Variants in ACCSL observed in about 807,000 individuals in gnomAD.
ACCSL encodes the protein 1-aminocyclopropane-1-carboxylate synthase homolog (inactive) like.
ACCSL carries 55 observed loss-of-function variants against 61.7 expected under a neutral mutation model. That is an observed-to-expected ratio of 0.89 (90% CI 0.72 to 1.12). The LOEUF is 1.12. ACCSL is among the 50% of genes most tolerant of loss of function. The pLI is 0.00. For missense variants in ACCSL, 632 were observed against 698.0 expected (o/e 0.91, Z 1.07); for synonymous variants, 258 against 264.3 (o/e 0.98, Z 0.23).
At chr11:43,961,359 TCTC>T in the ACCSL span, among the ~76,000 whole-genome samples, 8 of 152,122 alleles carry the variant, frequency 5.3e-5, no homozygotes, top group African/African-American at 9.7e-5. Flanking sequence ...TGCAATCTCT[TCTC>T]CTATTTTTCC....
At chr11:44,015,311 G>A in the ACCSL span, among the ~76,000 whole-genome samples, 1 of 152,182 alleles carries the variant, frequency 6.6e-6, no homozygotes, top group Non-Finnish European at 1.5e-5. Context: ...ACTGAGGCTG[G>A]GAGGGTTAAG....
chr11:44,038,882 C>G, the ACCSL span, among the ~76,000 whole-genome samples: 9,072 of 152,212 alleles, frequency 0.06, 501 homozygotes, highest in African/African-American at 0.14. Flanking sequence ...TGTGTCGCCA[C>G]TGTGTCCCTG....
the ACCSL span, among the ~76,000 whole-genome samples, chr11:44,030,930 C>T: frequency 6.6e-6 from 1 of 152,124 alleles, no homozygotes; most frequent in Non-Finnish European, 1.5e-5. Flanking sequence ...TAGTTTTATA[C>T]ACGGGGAAAC....
At chr11:43,945,886 T>A in the ACCSL span, among the ~76,000 whole-genome samples, 1 of 152,038 alleles carries the variant, frequency 6.6e-6, no homozygotes, top group East Asian at 1.9e-4. Context: ...AAGAACCTCC[T>A]GCTGCCTTCA....
At chr11:44,026,248 T>C in the ACCSL span, among the ~76,000 whole-genome samples, 1 of 152,182 alleles carries the variant, frequency 6.6e-6, no homozygotes, top group Non-Finnish European at 1.5e-5. Context: ...GACTGGACAA[T>C]CTCAATTGAT....
the ACCSL span, among the ~76,000 whole-genome samples, chr11:44,012,567 G>A: frequency 2.6e-5 from 4 of 152,156 alleles, no homozygotes; most frequent in African/African-American, 9.7e-5. Flanking sequence ...GATTATAGGT[G>A]TGAGCCACTG....
At chr11:43,969,968 G>GGT in the ACCSL span, among the ~76,000 whole-genome samples, 278 of 152,124 alleles carry the variant, frequency 1.8e-3, 2 homozygotes, top group African/African-American at 6.3e-3. Context: ...TATAGGGGGA[G>GGT]GGTTGGAGTT....
chr11:43,961,947 G>A, the ACCSL span, among the ~76,000 whole-genome samples: 1 of 152,178 alleles, frequency 6.6e-6, no homozygotes, highest in East Asian at 1.9e-4. Context: ...CAGGGCCTTT[G>A]AGCCCCTATG....
At chr11:44,006,317 G>T in the ACCSL span, among the ~76,000 whole-genome samples, 2 of 152,174 alleles carry the variant, frequency 1.3e-5, no homozygotes, top group South Asian at 4.1e-4. Flanking sequence ...TGGAGGAGCT[G>T]GCTTGGATGT....
chr11:43,921,854 C>T, the ACCSL span, among the ~76,000 whole-genome samples: 1 of 152,194 alleles, frequency 6.6e-6, no homozygotes, highest in Non-Finnish European at 1.5e-5. Flanking sequence ...TACCACATGC[C>T]AGAACTGCCC....
chr11:43,980,980 T>C, the ACCSL span, among the ~76,000 whole-genome samples: 2 of 152,154 alleles, frequency 1.3e-5, no homozygotes, highest in African/African-American at 2.4e-5. Context: ...AAGAACATCA[T>C]AGATGATTGT....
chr11:44,053,264 C>A, intron 7 of ACCSL, 142 bp from the exon 8 acceptor site: 1 of 862,488 alleles, frequency 1.2e-6, no homozygotes, highest in Non-Finnish European at 1.8e-6. Flanking sequence ...TCCTGTTTCC[C>A]CTCTTTGGGC....
At chr11:44,057,237 G>A (rs1364396458) in intron 11 of ACCSL, among the ~76,000 whole-genome samples, 1 of 152,190 alleles carries the variant, frequency 6.6e-6, no homozygotes, top group Non-Finnish European at 1.5e-5. Context: ...ACTTTCTTTA[G>A]TTCCCTGTAA....
the ACCSL span, among the ~76,000 whole-genome samples, chr11:44,016,501 G>GT: frequency 1.1e-4 from 17 of 152,092 alleles, no homozygotes; most frequent in African/African-American, 4.1e-4. Context: ...CTGACCTGAG[G>GT]TTTTTTTGGG....
the ACCSL span, among the ~76,000 whole-genome samples, chr11:44,029,341 C>T: frequency 4.6e-5 from 7 of 152,250 alleles, no homozygotes; most frequent in Non-Finnish European, 1.0e-4. Context: ...CTTGCTGTTG[C>T]CCCTGACTAG....
At chr11:43,930,191 T>C in the ACCSL span, among the ~76,000 whole-genome samples, 151,834 of 152,302 alleles carry the variant, frequency 1, 75,687 homozygotes, top group Middle Eastern at 1. Flanking sequence ...GCAAGGTGGT[T>C]AGTGTCCAGA....
At chr11:43,971,471 A>T in the ACCSL span, 3 of 152,204 alleles carry the variant, frequency 2.0e-5, no homozygotes, top group Non-Finnish European at 4.4e-5. Flanking sequence ...AGAGGGAGGA[A>T]GTGTCTTGCC....
chr11:44,052,894 A>G, intron 6 of ACCSL, 97 bp from the exon 7 acceptor site: 3 of 1,460,408 alleles, frequency 2.1e-6, no homozygotes, highest in Non-Finnish European at 2.9e-6. Flanking sequence ...GTGGACTGGC[A>G]CTCTGGTATG....
At chr11:43,940,651 C>A in the ACCSL span, among the ~76,000 whole-genome samples, 1 of 152,142 alleles carries the variant, frequency 6.6e-6, no homozygotes, top group Non-Finnish European at 1.5e-5. Flanking sequence ...TGAGCCACCG[C>A]ACCCGGCTGA....
Sources: allele counts gnomAD v4.1 joint callset (sites outside exome capture counted in the v4.1 genomes callset), GRCh38; gene constraint gnomAD v4.1.1; transcripts MANE v1.5; gene names NCBI Gene and HGNC (gene_info 2026-07-23, HGNC 2026-07-21).